TMEFF2: variants seen among roughly 807,000 people sequenced by gnomAD.
TMEFF2 encodes the protein transmembrane protein with EGF like and two follistatin like domains 2.
Under a neutral mutation model 53.8 loss-of-function variants are expected in TMEFF2, and 28 were observed. The observed-to-expected ratio is 0.52, with a 90% confidence interval of 0.39 to 0.71. The LOEUF (loss-of-function observed/expected upper bound fraction) is 0.71, where lower values mean the gene tolerates loss of function less well. Among genes scored for constraint, TMEFF2 ranks in the 30% least tolerant of loss-of-function variants. TMEFF2 has a pLI of 0.00. For missense variants in TMEFF2, 353 were observed against 455.2 expected (o/e 0.78, Z 2.04); for synonymous variants, 162 against 166.3 (o/e 0.97, Z 0.20).
chr2:192,114,390 G>C (rs928498633), intron 4 of TMEFF2, among the ~76,000 whole-genome samples: 3 of 151,596 alleles, frequency 2.0e-5, no homozygotes, highest in Admixed American at 2.0e-4. Context: ...TAAGGAAGAA[G>C]ACAAGGATGC....
chr2:192,087,861 C>G (rs1357054256), intron 4 of TMEFF2, among the ~76,000 whole-genome samples: 1 of 152,000 alleles, frequency 6.6e-6, no homozygotes, highest in African/African-American at 2.4e-5. Context: ...TTTGGCTATA[C>G]GACATTTGAA....
chr2:192,146,747 T>TA (rs1289481727), intron 4 of TMEFF2, among the ~76,000 whole-genome samples: 1 of 152,050 alleles, frequency 6.6e-6, no homozygotes, highest in Non-Finnish European at 1.5e-5. Flanking sequence ...AAACCATACA[T>TA]AAAAATACTG....
chr2:192,146,072 C>T (rs1291514841), intron 4 of TMEFF2, among the ~76,000 whole-genome samples: 1 of 151,508 alleles, frequency 6.6e-6, no homozygotes, highest in Non-Finnish European at 1.5e-5. Context: ...CTCATGCAGG[C>T]AGGAAAAAAA....
intron 5 of TMEFF2, chr2:192,036,312 T>C (rs1273233678): frequency 6.6e-6 from 1 of 152,240 alleles, no homozygotes; most frequent in African/African-American, 2.4e-5. Context: ...ACCAACTGGA[T>C]ATTCTGCTGG....
At chr2:192,182,448 A>G (rs1003093609) in intron 3 of TMEFF2, among the ~76,000 whole-genome samples, 5 of 151,990 alleles carry the variant, frequency 3.3e-5, no homozygotes, top group African/African-American at 4.8e-5. Flanking sequence ...AAATCTAAGT[A>G]TGTGAATGAG....
chr2:191,987,567 C>G (rs890821106), intron 7 of TMEFF2, among the ~76,000 whole-genome samples: 1 of 152,034 alleles, frequency 6.6e-6, no homozygotes, highest in South Asian at 2.1e-4. Flanking sequence ...CCACCACACC[C>G]AGCTAATTTT....
chr2:192,003,249 T>C (rs1686411539), intron 5 of TMEFF2, among the ~76,000 whole-genome samples: 1 of 152,144 alleles, frequency 6.6e-6, no homozygotes, highest in Non-Finnish European at 1.5e-5. Context: ...GATAAGAAAA[T>C]TGAGACTTGG....
intron 4 of TMEFF2, among the ~76,000 whole-genome samples, chr2:192,147,313 C>CT (rs140948990): frequency 0.024 from 3,693 of 151,570 alleles, 136 homozygotes; most frequent in African/African-American, 0.085. Flanking sequence ...CTTCAGTTAT[C>CT]TTCCTTTATG....
At chr2:191,989,948 A>G (rs1407703829) in intron 7 of TMEFF2, among the ~76,000 whole-genome samples, 2 of 151,738 alleles carry the variant, frequency 1.3e-5, no homozygotes, top group East Asian at 3.9e-4. Context: ...AACCCCTTCC[A>G]CCCTCTCACA....
intron 5 of TMEFF2, chr2:192,044,439 TA>T (rs1687562019): frequency 6.6e-6 from 1 of 152,190 alleles, no homozygotes; most frequent in Admixed American, 6.5e-5. Context: ...CCTTCAACCA[TA>T]AAAGAGGAAC....
chr2:192,188,958 C>T (rs918500866), intron 2 of TMEFF2, among the ~76,000 whole-genome samples: 5 of 151,618 alleles, frequency 3.3e-5, no homozygotes, highest in African/African-American at 9.7e-5. Flanking sequence ...ATGATATGTA[C>T]GACAAACCCC....
intron 4 of TMEFF2, among the ~76,000 whole-genome samples, chr2:192,068,955 A>C (rs1010788166): frequency 1.1e-4 from 16 of 150,934 alleles, no homozygotes; most frequent in African/African-American, 3.9e-4. Context: ...TAGTGTTGTT[A>C]CTTAAGGCCC....
chr2:191,980,118 A>G (rs1366287004), intron 7 of TMEFF2, among the ~76,000 whole-genome samples: 1 of 152,238 alleles, frequency 6.6e-6, no homozygotes, highest in Non-Finnish European at 1.5e-5. Flanking sequence ...GGGAGGAGCA[A>G]GACAAATTCC....
At position 192,068,779 on chromosome 2, in the gene TMEFF2, A is replaced by T. The variant is rs187630496; in HGVS notation, c.440-11004T>A. Among the ~76,000 whole-genome samples, 3 of 152,020 alleles carry T rather than the reference A, an allele frequency of 2.0e-5. No homozygotes were observed. In the East Asian group the frequency reaches 5.8e-4, roughly 29 times the overall value. ...CTAAGTCGAGGTAAAGAAGAAATTT[A>T]AAAAATCAGGCTTGTTTAAATATAT... On this transcript the variant is annotated intron_variant, in intron 4 of 9. Transcript: ENST00000272771.
Position 192,013,236 on chromosome 2 carries a change from T to C in TMEFF2, c.537-14028A>G, listed in dbSNP as rs75368320. On this transcript the variant is annotated intron_variant, in intron 5 of 9. Coordinates refer to ENST00000272771, the MANE Select transcript of TMEFF2 (RefSeq NM_016192.4). ...GCCATTTTATTTCTGATCAATCTTA[T>C]ACACTCTTTCCGTGCTCCAACCACA... is the stretch of plus-strand genomic sequence containing the variant. 6.2e-3 allele frequency among the ~76,000 whole-genome samples: 940 copies of C among 152,210 alleles called. 15 individuals carry two copies. Among genetic ancestry groups the C allele is most frequent in the African/African-American group, 0.021 (886 of 41,530 alleles).
chr2:192,186,483 G>A (rs1476592261), intron 2 of TMEFF2, among the ~76,000 whole-genome samples: 2 of 152,186 alleles, frequency 1.3e-5, no homozygotes, highest in Non-Finnish European at 2.9e-5. Context: ...AGGGACAGGA[G>A]AATGTAGGTA....
At chr2:192,166,991 C>T (rs982064038) in intron 4 of TMEFF2, among the ~76,000 whole-genome samples, 32 of 151,984 alleles carry the variant, frequency 2.1e-4, no homozygotes, top group African/African-American at 7.0e-4. Context: ...GGTTGGTCAC[C>T]TTATATATGG....
chr2:191,964,390 C>CTT (rs772218971), intron 7 of TMEFF2, among the ~76,000 whole-genome samples: 1 of 32,876 alleles, frequency 3.0e-5, no homozygotes, highest in Non-Finnish European at 6.5e-5. Context: ...TTCTTTCTTT[C>CTT]TTTCTTTCTC....
intron 3 of TMEFF2, among the ~76,000 whole-genome samples, chr2:192,182,487 A>C (rs1312933094): frequency 6.6e-6 from 1 of 151,980 alleles, no homozygotes; most frequent in Non-Finnish European, 1.5e-5. Context: ...ATTGTGATTA[A>C]ATTTTCTACT....
Sources: gnomAD v4.1 joint callset for allele counts (sites outside exome capture counted in the v4.1 genomes callset) on GRCh38, gnomAD v4.1.1 for gene constraint, MANE v1.5 for transcripts, NCBI Gene and HGNC (gene_info 2026-07-23, HGNC 2026-07-21) for gene names.